CNTNAP4: variants seen among roughly 807,000 people sequenced by gnomAD.
The protein encoded by CNTNAP4 is contactin associated protein family member 4, also known as contactin-associated protein-like 4.
CNTNAP4 carries 98 observed loss-of-function variants against 148.4 expected under a neutral mutation model. The ratio of observed to expected loss-of-function variants is 0.66; its 90% CI spans 0.56 to 0.78. CNTNAP4 has a LOEUF of 0.78. Ranked by LOEUF, CNTNAP4 falls within the 30% of genes least tolerant of loss-of-function variation. The pLI, the probability that CNTNAP4 is intolerant of heterozygous loss-of-function variation, is 0.00. For missense variants in CNTNAP4, 1,935 were observed against 1,565.6 expected (o/e 1.24, Z -3.98); for synonymous variants, 730 against 565.1 (o/e 1.29, Z -4.14).
chr16:76,319,328 G>T (rs1321930426), intron 2 of CNTNAP4, among the ~76,000 whole-genome samples: 1 of 152,068 alleles, frequency 6.6e-6, no homozygotes, highest in Non-Finnish European at 1.5e-5. Context: ...GGGGGTGCAG[G>T]TAACGTGAGC....
At chr16:76,375,900 C>A (rs1030701576) in intron 3 of CNTNAP4, among the ~76,000 whole-genome samples, 19 of 152,188 alleles carry the variant, frequency 1.2e-4, no homozygotes, top group Admixed American at 1.1e-3. Flanking sequence ...TCTCTGTTAT[C>A]AGATTGCATG....
chr16:76,294,093 G>A (rs1019706322), intron 1 of CNTNAP4, among the ~76,000 whole-genome samples: 5 of 152,190 alleles, frequency 3.3e-5, no homozygotes, highest in South Asian at 4.1e-4. Context: ...TTTGGAGAGC[G>A]AGTAAGAAAC....
intron 8 of CNTNAP4, among the ~76,000 whole-genome samples, chr16:76,460,626 G>T (rs1340983823): frequency 1.0e-4 from 15 of 147,956 alleles, no homozygotes; most frequent in African/African-American, 2.5e-5. Context: ...AGCCAGGCGT[G>T]GTGGCAAGCG....
At chr16:76,455,518 C>T (rs1349550413) in intron 8 of CNTNAP4, among the ~76,000 whole-genome samples, 1 of 152,292 alleles carries the variant, frequency 6.6e-6, no homozygotes, top group East Asian at 1.9e-4. Flanking sequence ...TGAAATATTC[C>T]TAACTTTCGG....
At chr16:76,371,300 G>C (rs28433821) in intron 3 of CNTNAP4, among the ~76,000 whole-genome samples, 7,688 of 151,986 alleles carry the variant, frequency 0.051, 628 homozygotes, top group African/African-American at 0.17. Flanking sequence ...GTTTTGTTTT[G>C]TTTTGAAATG....
intron 1 of CNTNAP4, among the ~76,000 whole-genome samples, chr16:76,291,673 C>T (rs909639004): frequency 1.3e-5 from 2 of 152,036 alleles, no homozygotes; most frequent in African/African-American, 4.8e-5. Flanking sequence ...GCTCCTCCTC[C>T]TTCTTCCTGT....
chr16:76,351,327 G>A (rs775473584), intron 2 of CNTNAP4, among the ~76,000 whole-genome samples: 10 of 151,514 alleles, frequency 6.6e-5, no homozygotes, highest in Non-Finnish European at 1.3e-4. Context: ...AGTTACGTTT[G>A]CATTTCATGT....
intron 10 of CNTNAP4, among the ~76,000 whole-genome samples, chr16:76,470,482 A>ATATATAT (rs146482811): frequency 0.024 from 2,318 of 96,982 alleles, 214 homozygotes; most frequent in Middle Eastern, 0.037. Context: ...CTCTACTAAT[A>ATATATAT]ATATATATAT....
intron 10 of CNTNAP4, among the ~76,000 whole-genome samples, chr16:76,470,997 C>T (rs1348138079): frequency 1.3e-5 from 2 of 151,980 alleles, no homozygotes; most frequent in Non-Finnish European, 2.9e-5. Context: ...TACTCATGCA[C>T]ACTCACACAC....
At chr16:76,373,291 T>G (rs1047333497) in intron 3 of CNTNAP4, among the ~76,000 whole-genome samples, 2 of 151,892 alleles carry the variant, frequency 1.3e-5, no homozygotes, top group African/African-American at 4.8e-5. Flanking sequence ...CACATAAATA[T>G]GTGAAATATA....
intron 3 of CNTNAP4, among the ~76,000 whole-genome samples, chr16:76,366,920 TTCTCC>T (rs2014208023): frequency 6.6e-6 from 1 of 152,138 alleles, no homozygotes; most frequent in Non-Finnish European, 1.5e-5. Flanking sequence ...AAGCTATTCA[TTCTCC>T]CTAAAATCAT....
chr16:76,514,615 A>G (rs987958873), intron 15 of CNTNAP4, among the ~76,000 whole-genome samples: 3 of 152,148 alleles, frequency 2.0e-5, no homozygotes, highest in Non-Finnish European at 4.4e-5. Flanking sequence ...AACATCTATG[A>G]ACAGCTTTGT....
intron 8 of CNTNAP4, among the ~76,000 whole-genome samples, chr16:76,453,927 A>G (rs528689200): frequency 1.4e-4 from 21 of 152,246 alleles, no homozygotes; most frequent in African/African-American, 4.6e-4. Context: ...TCTCATATTA[A>G]TAATTAATAG....
chr16:76,396,361 C>T (rs116374377), intron 3 of CNTNAP4, among the ~76,000 whole-genome samples: 2,257 of 152,236 alleles, frequency 0.015, 45 homozygotes, highest in African/African-American at 0.052. Context: ...CCATACTACC[C>T]GGTGCAAGGG....
chr16:76,439,574 A>C (rs1218099662), intron 4 of CNTNAP4, among the ~76,000 whole-genome samples: 1 of 152,200 alleles, frequency 6.6e-6, no homozygotes, highest in Non-Finnish European at 1.5e-5. Flanking sequence ...TGTCCTTGAC[A>C]TAGTGGATAT....
intron 3 of CNTNAP4, among the ~76,000 whole-genome samples, chr16:76,404,602 T>C (rs998993902): frequency 6.6e-6 from 1 of 152,142 alleles, no homozygotes; most frequent in African/African-American, 2.4e-5. Context: ...TTTTGAAAAT[T>C]TGATAAATTG....
Position 76,448,118 on chromosome 16 carries a change from G to A in CNTNAP4, c.645G>A (p.Met215Ile), listed in dbSNP as rs1201074335. Residue 215 changes from methionine (M) to isoleucine (I), a missense_variant, in exon 5 of 24, where the codon ATG (methionine) becomes ATA (isoleucine). By Grantham distance (10) the Met-to-Ile change is conservative (BLOSUM62 1). Coordinates refer to ENST00000611870, the MANE Select transcript of CNTNAP4 (RefSeq NM_033401.5). The stretch of plus-strand genomic sequence containing the variant: ...TTATTTCTTTGAAATTCAAAACCAT[G>A]CAGAGTGATGGGATTCTACTCCACA... Reference protein sequence around the residue: ...KDIISLKFKTMQSDGILLHRE... With the variant: ...KDIISLKFKTIQSDGILLHRE... 6.2e-7 allele frequency: 1 copy of A among 1,613,310 alleles called. No individual in the cohort carries two copies. The highest frequency in any genetic ancestry group is 1.7e-5 in the Admixed American group (1 of 59,998).
chr16:76,507,005 A>G (rs1167235783), intron 15 of CNTNAP4, among the ~76,000 whole-genome samples: 2 of 97,402 alleles, frequency 2.1e-5, no homozygotes, highest in African/African-American at 5.1e-5. Flanking sequence ...TGGACTGGAG[A>G]TAGTATTTTG....
chr16:76,429,790 A>G (rs1253963436), intron 4 of CNTNAP4, among the ~76,000 whole-genome samples: 2 of 152,066 alleles, frequency 1.3e-5, no homozygotes, highest in African/African-American at 2.4e-5. Context: ...TTCATTTGCT[A>G]TATTTGGGGT....
Sources: gnomAD v4.1 joint callset for allele counts (sites outside exome capture counted in the v4.1 genomes callset) on GRCh38, gnomAD v4.1.1 for gene constraint, MANE v1.5 for transcripts, NCBI Gene and HGNC (gene_info 2026-07-23, HGNC 2026-07-21) for gene names.